Variants in NTNG1 observed in about 807,000 individuals in gnomAD.
The protein encoded by NTNG1 is netrin G1.
A neutral mutation model predicts 54.0 loss-of-function variants in NTNG1; 16 were observed. That is an observed-to-expected ratio of 0.30 (90% confidence interval 0.20 to 0.45). NTNG1 has a LOEUF of 0.45. Among genes scored for constraint, NTNG1 ranks in the 20% least tolerant of loss-of-function variants. The probability of loss-of-function intolerance (pLI) is 1.00; values close to 1 mark genes in which losing one functional copy is unlikely to be tolerated. For synonymous variants in NTNG1, 255 were observed against 263.1 expected (o/e 0.97, Z 0.30); for missense variants, 530 against 678.7 (o/e 0.78, Z 2.43).
intron 7 of NTNG1, among the ~76,000 whole-genome samples, chr1:107,441,392 A>AATTCTT (rs199849606): frequency 0.022 from 3,408 of 152,274 alleles, 135 homozygotes; most frequent in African/African-American, 0.078. Flanking sequence ...TACTAATGGT[A>AATTCTT]CTTTCAGAAG....
At chr1:107,176,917 G>GTA (rs1020070170) in intron 2 of NTNG1, among the ~76,000 whole-genome samples, 2 of 152,142 alleles carry the variant, frequency 1.3e-5, no homozygotes, top group African/African-American at 2.4e-5. Flanking sequence ...TGGCTATCCT[G>GTA]TATAGCAGCT....
At chr1:107,376,597 A>G (rs753252265) in intron 3 of NTNG1, among the ~76,000 whole-genome samples, 5 of 152,272 alleles carry the variant, frequency 3.3e-5, no homozygotes, top group Non-Finnish European at 7.4e-5. Flanking sequence ...CCTTATGCCC[A>G]GGCTCCCTCA....
chr1:107,269,154 G>A (rs578093744), intron 2 of NTNG1, among the ~76,000 whole-genome samples: 12 of 152,142 alleles, frequency 7.9e-5, no homozygotes, highest in South Asian at 2.1e-4. Context: ...CATGTCCTAC[G>A]AATCTCCTCC....
At chr1:107,370,780 T>A (rs1156723558) in intron 3 of NTNG1, among the ~76,000 whole-genome samples, 2 of 152,130 alleles carry the variant, frequency 1.3e-5, no homozygotes, top group Non-Finnish European at 2.9e-5. Context: ...TCAGCAATTT[T>A]ATTTATTTCT....
chr1:107,390,014 G>A (rs1264189772), intron 3 of NTNG1, among the ~76,000 whole-genome samples: 1 of 152,174 alleles, frequency 6.6e-6, no homozygotes, highest in Non-Finnish European at 1.5e-5. Context: ...TCCCAGCATT[G>A]TGAAATGTTT....
chr1:107,417,048 G>A (rs1024121538), intron 5 of NTNG1, among the ~76,000 whole-genome samples: 2 of 152,096 alleles, frequency 1.3e-5, no homozygotes, highest in Admixed American at 6.6e-5. Context: ...CACAGATCAA[G>A]TAGGCTTGTC....
intron 2 of NTNG1, among the ~76,000 whole-genome samples, chr1:107,183,668 G>A (rs1657237012): frequency 6.6e-6 from 1 of 152,252 alleles, no homozygotes; most frequent in South Asian, 2.1e-4. Flanking sequence ...TCATAGAAAT[G>A]TCACTGCTAA....
chr1:107,329,108 A>G (rs1668123568), intron 3 of NTNG1: 1 of 152,198 alleles, frequency 6.6e-6, no homozygotes, highest in African/African-American at 2.4e-5. Flanking sequence ...AATAGTGAAC[A>G]GTATTTTTTC....
chr1:107,416,190 A>T (rs1369493309), intron 5 of NTNG1, among the ~76,000 whole-genome samples: 2 of 152,130 alleles, frequency 1.3e-5, no homozygotes, highest in African/African-American at 4.8e-5. Flanking sequence ...GGCAGAGCAC[A>T]TAAAATTTTG....
intron 3 of NTNG1, among the ~76,000 whole-genome samples, chr1:107,341,116 C>G (rs1668872831): frequency 6.6e-6 from 1 of 151,844 alleles, no homozygotes; most frequent in Non-Finnish European, 1.5e-5. Flanking sequence ...TAGCAAGACC[C>G]CATCTCTTAT....
chr1:107,163,329 T>C (rs529062007), intron 2 of NTNG1, among the ~76,000 whole-genome samples: 2 of 152,284 alleles, frequency 1.3e-5, no homozygotes, highest in South Asian at 2.1e-4. Context: ...TTTACTTCTT[T>C]GTTTTGAAAA....
intron 3 of NTNG1, among the ~76,000 whole-genome samples, chr1:107,335,104 A>G (rs1484799155): frequency 1.3e-5 from 2 of 152,046 alleles, no homozygotes; most frequent in Admixed American, 1.3e-4. Flanking sequence ...CTCCACTCAA[A>G]TACACACAAT....
intron 2 of NTNG1, among the ~76,000 whole-genome samples, chr1:107,267,301 G>A (rs1663814746): frequency 6.6e-6 from 1 of 152,134 alleles, no homozygotes; most frequent in Admixed American, 6.5e-5. Flanking sequence ...ATTATTCAAG[G>A]AAGAGAGAGT....
intron 7 of NTNG1, among the ~76,000 whole-genome samples, chr1:107,454,329 C>A (rs773037070): frequency 2.6e-5 from 4 of 152,070 alleles, no homozygotes; most frequent in Non-Finnish European, 5.9e-5. Context: ...ACTATTGCAC[C>A]CATGCATACT....
At chr1:107,435,791 A>G (rs759512733) in intron 6 of NTNG1, among the ~76,000 whole-genome samples, 1 of 152,190 alleles carries the variant, frequency 6.6e-6, no homozygotes, top group Non-Finnish European at 1.5e-5. Flanking sequence ...GAGGAAAGAA[A>G]CTTTAGCTCA....
At chr1:107,154,587 C>A (rs1478819226) in intron 2 of NTNG1, among the ~76,000 whole-genome samples, 2 of 110,452 alleles carry the variant, frequency 1.8e-5, no homozygotes, top group African/African-American at 7.7e-5. Flanking sequence ...CAAAGCAAGA[C>A]CCTGTCTCAA....
intron 2 of NTNG1, among the ~76,000 whole-genome samples, chr1:107,305,024 A>G (rs199657204): frequency 6.6e-6 from 1 of 152,072 alleles, no homozygotes; most frequent in African/African-American, 2.4e-5. Context: ...GCTGAGAATG[A>G]TGGTTTCCAG....
chr1:107,466,778 G>A (rs1677635014), intron 7 of NTNG1, among the ~76,000 whole-genome samples: 1 of 152,164 alleles, frequency 6.6e-6, no homozygotes, highest in African/African-American at 2.4e-5. Context: ...GAAAGTCCCT[G>A]AAGGCATAGC....
intron 3 of NTNG1, among the ~76,000 whole-genome samples, chr1:107,327,167 T>G (rs930286489): frequency 2.0e-5 from 3 of 152,166 alleles, no homozygotes; most frequent in African/African-American, 7.2e-5. Context: ...CCATAAGGTC[T>G]TCTTCTGTCA....
Sources: gnomAD v4.1 joint callset for allele counts (sites outside exome capture counted in the v4.1 genomes callset) on GRCh38, gnomAD v4.1.1 for gene constraint, MANE v1.5 for transcripts, NCBI Gene and HGNC (gene_info 2026-07-23, HGNC 2026-07-21) for gene names.